ANKFN1: variants seen among roughly 807,000 people sequenced by gnomAD.
ANKFN1 encodes ankyrin repeat and fibronectin type III domain containing 1.
In ANKFN1, 74 loss-of-function variants were observed where a neutral mutation model predicts 108.7. That is an observed-to-expected ratio of 0.68 (90% CI 0.56 to 0.83). The LOEUF (loss-of-function observed/expected upper bound fraction) is 0.83, where lower values mean the gene tolerates loss of function less well. ANKFN1 is among the 40% of genes least tolerant of loss of function. The pLI, the probability that ANKFN1 is intolerant of heterozygous loss-of-function variation, is 0.00. For synonymous variants in ANKFN1, 547 were observed against 516.2 expected, an observed-to-expected ratio of 1.06 and a Z score of -0.81; for missense variants, 1,505 against 1,382.3, an observed-to-expected ratio of 1.09 and a Z score of -1.41.
chr17:56,216,614 C>T (rs1033127710), intron 2 of ANKFN1, among the ~76,000 whole-genome samples: 12 of 152,120 alleles, frequency 7.9e-5, no homozygotes, highest in African/African-American at 2.7e-4. Context: ...GTCAGTTAAT[C>T]GGAGAAGGGT....
At chr17:56,260,862 A>G (rs1227971625) in intron 3 of ANKFN1, among the ~76,000 whole-genome samples, 2 of 152,160 alleles carry the variant, frequency 1.3e-5, no homozygotes, top group African/African-American at 4.8e-5. Flanking sequence ...CCTAATTTTA[A>G]TATGCACATT....
intron 8 of ANKFN1, among the ~76,000 whole-genome samples, chr17:56,379,240 A>T (rs1445619158): frequency 2.6e-5 from 4 of 152,226 alleles, no homozygotes; most frequent in Admixed American, 1.3e-4. Flanking sequence ...CTACTAAAAA[A>T]TACAAAAGAT....
chr17:56,346,886 GT>G (rs944124341), intron 4 of ANKFN1, among the ~76,000 whole-genome samples: 3 of 151,838 alleles, frequency 2.0e-5, no homozygotes, highest in Admixed American at 2.0e-4. Context: ...TCAACCTATA[GT>G]TTTGGTTCTG....
intron 16 of ANKFN1, among the ~76,000 whole-genome samples, chr17:56,479,328 A>T (rs1007798639): frequency 1.1e-4 from 17 of 152,160 alleles, no homozygotes; most frequent in Admixed American, 7.2e-4. Context: ...TACAAACGCT[A>T]TGTTAGCCAC....
At chr17:56,161,759 A>G (rs967099316) in intron 1 of ANKFN1, among the ~76,000 whole-genome samples, 1 of 151,804 alleles carries the variant, frequency 6.6e-6, no homozygotes, top group Non-Finnish European at 1.5e-5. Flanking sequence ...TTTCTCTTAG[A>G]TTTCAGTAAA....
At chr17:56,395,867 G>T (rs777461266) in intron 8 of ANKFN1, among the ~76,000 whole-genome samples, 5 of 151,958 alleles carry the variant, frequency 3.3e-5, no homozygotes, top group Admixed American at 6.6e-5. Flanking sequence ...AAACAAAGGT[G>T]GGGGGAAGCA....
chr17:56,188,559 G>A (rs1283262886), intron 1 of ANKFN1, among the ~76,000 whole-genome samples: 6 of 80,140 alleles, frequency 7.5e-5, no homozygotes, highest in Non-Finnish European at 1.4e-4. Context: ...GTGTGTGTGT[G>A]TGTATGTGTG....
intron 4 of ANKFN1, among the ~76,000 whole-genome samples, chr17:56,344,155 T>A (rs554610681): frequency 6.6e-6 from 1 of 152,162 alleles, no homozygotes; most frequent in Non-Finnish European, 1.5e-5. Context: ...CATAGTTTTC[T>A]TGAAAACTAA....
intron 8 of ANKFN1, among the ~76,000 whole-genome samples, chr17:56,437,284 A>C (rs1408363918): frequency 1.3e-5 from 2 of 152,194 alleles, no homozygotes; most frequent in Admixed American, 1.3e-4. Context: ...AATTTCAAAA[A>C]TAAATTGAGG....
intron 8 of ANKFN1, among the ~76,000 whole-genome samples, chr17:56,397,064 G>C (rs1250267687): frequency 4.0e-5 from 6 of 151,450 alleles, no homozygotes. Context: ...TTTAAAATTA[G>C]AAAAATTATA....
chr17:56,326,866 T>C (rs938178135), intron 4 of ANKFN1, among the ~76,000 whole-genome samples: 2 of 152,198 alleles, frequency 1.3e-5, no homozygotes, highest in Non-Finnish European at 2.9e-5. Flanking sequence ...CTGTTCATCC[T>C]GGGTGAGTGT....
At chr17:56,306,526 T>C (rs1436612385) in intron 3 of ANKFN1, among the ~76,000 whole-genome samples, 1 of 152,188 alleles carries the variant, frequency 6.6e-6, no homozygotes, top group Admixed American at 6.5e-5. Flanking sequence ...ACAAGGGACG[T>C]GAAGGACCTC....
intron 4 of ANKFN1, among the ~76,000 whole-genome samples, chr17:56,104,208 C>T (rs931879499): frequency 1.3e-5 from 2 of 152,228 alleles, no homozygotes; most frequent in Non-Finnish European, 2.9e-5. Context: ...AGATTGTATA[C>T]ACATACACTC....
intron 8 of ANKFN1, among the ~76,000 whole-genome samples, chr17:56,375,388 G>C (rs535420306): frequency 2.0e-5 from 3 of 152,184 alleles, no homozygotes; most frequent in Non-Finnish European, 2.9e-5. Context: ...ATAGAAAATA[G>C]CATGGCTCCG....
chr17:56,510,778 G>T lies in ANKFN1; in HGVS notation c.2950G>T (p.Ala984Ser), dbSNP rs2051726563. Residue 984 changes from alanine (A) to serine (S), a missense_variant, in exon 21 of 21, where the codon GCC (alanine) becomes TCC (serine). By Grantham distance (99) the Ala-to-Ser change is moderately conservative. Transcript: ENST00000682825. ...TLTGFTPKNH[A>S]KTVSGGRPPL... ...CACGGGGTTCACACCCAAGAACCACGCCAAGACTGTGTCCGGTGGGCGGCC... is the reference window on the plus strand; with the variant it reads ...CACGGGGTTCACACCCAAGAACCACTCCAAGACTGTGTCCGGTGGGCGGCC... The T allele has an allele frequency of 6.5e-7, 1 of 1,536,146 alleles. No homozygotes were observed. The highest frequency in any genetic ancestry group is 8.7e-7 in the Non-Finnish European group (1 of 1,146,918).
At chr17:56,428,890 C>G (rs1284368200) in intron 8 of ANKFN1, among the ~76,000 whole-genome samples, 1 of 150,380 alleles carries the variant, frequency 6.6e-6, no homozygotes, top group African/African-American at 2.4e-5. Flanking sequence ...TCATTTTGTC[C>G]CAGAAGGAGA....
At chr17:56,203,143 T>G (rs1340372156) in intron 1 of ANKFN1, among the ~76,000 whole-genome samples, 1 of 152,226 alleles carries the variant, frequency 6.6e-6, no homozygotes, top group Non-Finnish European at 1.5e-5. Flanking sequence ...TCTTAATTCA[T>G]ACCATGATAT....
intron 4 of ANKFN1, among the ~76,000 whole-genome samples, chr17:56,083,857 G>C (rs535723860): frequency 6.6e-6 from 1 of 151,472 alleles, no homozygotes; most frequent in South Asian, 2.1e-4. Context: ...GCCTATTCTT[G>C]AGTAGTCATC....
At chr17:56,299,530 G>A (rs925562095) in intron 3 of ANKFN1, among the ~76,000 whole-genome samples, 13 of 152,098 alleles carry the variant, frequency 8.5e-5, no homozygotes, top group African/African-American at 1.2e-4. Flanking sequence ...ATTTGAATAC[G>A]ACTTAGCTTG....
Sources: allele counts gnomAD v4.1 joint callset (sites outside exome capture counted in the v4.1 genomes callset), GRCh38; gene constraint gnomAD v4.1.1; transcripts MANE v1.5; gene names NCBI Gene and HGNC (gene_info 2026-07-23, HGNC 2026-07-21).